The following HMX1 variants were observed in gnomAD, a reference collection of about 807,000 sequenced individuals.
The protein encoded by HMX1 is homeobox protein HMX1.
Under a neutral mutation model 8.9 loss-of-function variants are expected in HMX1, and 8 were observed. That is an observed-to-expected ratio of 0.90 (90% confidence interval 0.53 to 1.63). HMX1 has a LOEUF of 1.63. HMX1 is among the 40% of genes most tolerant of loss of function. The probability of loss-of-function intolerance (pLI) is 0.00; values close to 1 mark genes in which losing one functional copy is unlikely to be tolerated. For missense variants in HMX1, 621 were observed against 558.5 expected, an observed-to-expected ratio of 1.11 and a Z score of -1.13; for synonymous variants, 311 against 283.4, an observed-to-expected ratio of 1.10 and a Z score of -0.98.
chr4:8,854,090 TC>T (rs1056587689), intron 1 of HMX1, among the ~76,000 whole-genome samples: 3 of 151,954 alleles, frequency 2.0e-5, no homozygotes, highest in Non-Finnish European at 4.4e-5. Context: ...CCACCCCTTC[TC>T]CCTGTCTTAC....
chr4:8,858,508 C>T (rs1721687995), intron 1 of HMX1, among the ~76,000 whole-genome samples: 1 of 152,226 alleles, frequency 6.6e-6, no homozygotes, highest in South Asian at 2.1e-4. Flanking sequence ...CCTATTTGAG[C>T]TCCTTTGAGT....
At chr4:8,850,774 C>T (rs563169495) in intron 1 of HMX1, among the ~76,000 whole-genome samples, 4 of 152,332 alleles carry the variant, frequency 2.6e-5, no homozygotes, top group African/African-American at 7.2e-5. Flanking sequence ...CCCAGCCCTG[C>T]GACTCGGTCT....
In HMX1 at chr4:8,870,924, T is replaced by G. The variant is rs954093809; in HGVS notation, c.394+297A>C. Among the ~76,000 whole-genome samples the G allele has an allele frequency of 1.3e-5, 2 of 151,874 alleles. No homozygotes were observed. The highest frequency in any genetic ancestry group is 2.9e-5 in the Non-Finnish European group (2 of 67,960). On this transcript the variant is annotated intron_variant, in intron 1 of 1. Coordinates refer to ENST00000400677, the MANE Select transcript of HMX1 (RefSeq NM_018942.3). The surrounding 1 kb of genome is among the most constrained non-coding windows in gnomAD (Gnocchi z 4.4). ...ATCCTCTTTCACTCTCCTTTCTTTT[T>G]TCTTTGGCCTCCTGTTGTCCCCTGT...
rs1722199558 is a variant in HMX1, at chr4:8,871,146, G to A, written c.394+75C>T. The A allele has an allele frequency of 3.9e-6, 5 of 1,278,972 alleles. No homozygotes were observed. Among genetic ancestry groups the A allele is most frequent in the African/African-American group, 1.6e-5 (1 of 62,364 alleles). 79.2% of individuals were successfully genotyped at this position (1,278,972 alleles called of 1,614,324 possible). A position where few individuals can be genotyped will look rare whatever the true frequency, so the allele number is the denominator to read the frequency against. ...GCCCAGAACGGGCGGCGACGAGCCC[G>A]AAGTCCCCCAGCAAATGCGCAGGGA... is the stretch of plus-strand genomic sequence containing the variant. On this transcript the variant is annotated intron_variant, in intron 1 of 1. Transcript: ENST00000400677. This position sits in a 1 kb window ranked among gnomAD's most constrained non-coding sequence, Gnocchi z 4.8.
At chr4:8,852,044 G>T (rs913434891) in intron 1 of HMX1, among the ~76,000 whole-genome samples, 14 of 152,252 alleles carry the variant, frequency 9.2e-5, no homozygotes, top group African/African-American at 3.4e-4. Flanking sequence ...ACTGCAGTGG[G>T]AGTGCAATCC....
intron 1 of HMX1, chr4:8,846,371 A>G (rs1484142149): frequency 7.1e-7 from 1 of 1,413,986 alleles, no homozygotes; most frequent in South Asian, 1.3e-5. Flanking sequence ...TCATGTCTGC[A>G]CAAGGTGTCA....
chr4:8,871,465 G>A lies in HMX1; in HGVS notation c.150C>T (p.Asp50=). 5 of 1,342,580 alleles carry A rather than the reference G, an allele frequency of 3.7e-6. No homozygotes were observed. The highest frequency in any genetic ancestry group is 1.6e-5 in the South Asian group (1 of 64,440). The allele number at this position is 1,342,580 out of a possible 1,614,324, so 83.2% of individuals were successfully genotyped here. The change falls in exon 1 of 2, where the codon GAC becomes GAT. Residue 50 remains aspartate (D), a synonymous_variant. Coordinates refer to ENST00000400677, the MANE Select transcript of HMX1 (RefSeq NM_018942.3). This position sits in a 1 kb window ranked among gnomAD's most constrained non-coding sequence, Gnocchi z 4.8. ...GCTCGGCGTCCTCGTCTTCGGGGTC[G>A]TCGTCGTCCTCCTCCTCGTCCTCCC... ...GSREDEEEDD[D]DPEDEDAEQA... is the part of the protein sequence containing the mutation.
At chr4:8,858,441 T>C (rs1721686112) in intron 1 of HMX1, among the ~76,000 whole-genome samples, 1 of 152,168 alleles carries the variant, frequency 6.6e-6, no homozygotes, top group African/African-American at 2.4e-5. Flanking sequence ...GGGGATGCGC[T>C]TCTGGGCCAG....
rs1405256203 is a variant in HMX1, at chr4:8,853,730, T to A, written c.395-7406A>T. Among the ~76,000 whole-genome samples, 2 of 151,994 alleles carry A rather than the reference T, an allele frequency of 1.3e-5. No individual in the cohort carries two copies. Among genetic ancestry groups the A allele is most frequent in the African/African-American group, 2.4e-5 (1 of 41,362 alleles). On this transcript the variant is annotated intron_variant, in intron 1 of 1. Transcript: ENST00000506970. This position sits in a 1 kb window ranked among gnomAD's most constrained non-coding sequence, Gnocchi z 4.7. ...AGCTGGGTGTGGTGGTGGGCCCCTG[T>A]AATCTCAGCTACTCGGGGAGGCTGA...
Position 8,868,081 on chromosome 4 carries a change from G to T in HMX1, c.659C>A (p.Ser220Tyr). Residue 220 changes from serine (S) to tyrosine (Y), a missense_variant, in exon 2 of 2, where the codon TCC (serine) becomes TAC (tyrosine). Physicochemically the swap from Ser to Tyr is moderately radical, Grantham distance 144. Coordinates refer to ENST00000400677, the MANE Select transcript of HMX1 (RefSeq NM_018942.3). This position sits in a 1 kb window ranked among gnomAD's most constrained non-coding sequence, Gnocchi z 4.6. ...FSRSQVFQLESTFDLKRYLSS... is the reference protein window; with the variant it reads ...FSRSQVFQLEYTFDLKRYLSS... ...CAGGTAGCGCTTCAGGTCGAAGGTG[G>T]ATTCCAGCTGGAAGACCTGGCTGCG... 1 of 1,529,370 alleles carries T rather than the reference G, an allele frequency of 6.5e-7. No individual in the cohort carries two copies. Among genetic ancestry groups the T allele is most frequent in the Non-Finnish European group, 8.8e-7 (1 of 1,140,930 alleles). 94.7% of individuals were successfully genotyped at this position (1,529,370 alleles called of 1,614,324 possible).
chr4:8,868,236 C>G lies in HMX1; in HGVS notation c.504G>C (p.Ala168=). The G allele has an allele frequency of 1.4e-6, 2 of 1,434,828 alleles. No individual in the cohort carries two copies. Among genetic ancestry groups the G allele is most frequent in the South Asian group, 1.4e-5 (1 of 70,718 alleles). 88.9% of individuals were successfully genotyped at this position (1,434,828 alleles called of 1,614,324 possible). A position where few individuals can be genotyped will look rare whatever the true frequency, so the allele number is the denominator to read the frequency against. ...CCGTGCCGGCCGCCGGGCCACGCGC[C>G]GCCAGCTCCGCTGCCTCCCGCTGCA... is the stretch of plus-strand genomic sequence containing the variant. The part of the protein sequence containing the change: ...GAVQREAAEL[A]ARGPAAGTEE... Residue 168 remains alanine, a synonymous_variant, in exon 2 of 2, where the codon GCG becomes GCC. Transcript: ENST00000400677. This position sits in a 1 kb window ranked among gnomAD's most constrained non-coding sequence, Gnocchi z 4.6.
In HMX1 at chr4:8,871,698, G is replaced by T; in HGVS notation, c.-84C>A. 1 of 1,110,646 alleles carries T rather than the reference G, an allele frequency of 9.0e-7. No individual in the cohort carries two copies. The highest frequency in any genetic ancestry group is 1.1e-6 in the Non-Finnish European group (1 of 910,766). The allele number at this position is 1,110,646 out of a possible 1,614,324, so 68.8% of individuals were successfully genotyped here. On this transcript the variant is annotated 5_prime_UTR_variant, in exon 1 of 2. Coordinates refer to ENST00000400677, the MANE Select transcript of HMX1 (RefSeq NM_018942.3). The surrounding 1 kb of genome is among the most constrained non-coding windows in gnomAD (Gnocchi z 4.8). ...CGCGCGGCTCCCGGGCGCACGCGCGGGCCGGCCCTGGAGCTGCTACCCGGA... is the reference window on the plus strand; with the variant it reads ...CGCGCGGCTCCCGGGCGCACGCGCGTGCCGGCCCTGGAGCTGCTACCCGGA...
intron 1 of HMX1, among the ~76,000 whole-genome samples, chr4:8,861,528 C>G (rs1379462681): frequency 6.6e-6 from 1 of 152,188 alleles, no homozygotes; most frequent in African/African-American, 2.4e-5. Flanking sequence ...GCGCGGGATC[C>G]TCGTGCGCCG....
In HMX1 at chr4:8,848,330, T is replaced by C. The variant is rs1721337156; in HGVS notation, c.395-2006A>G. On this transcript the variant is annotated intron_variant, in intron 1 of 1. Transcript: ENST00000506970. The surrounding 1 kb of genome is among the most constrained non-coding windows in gnomAD (Gnocchi z 4.1). The stretch of plus-strand genomic sequence containing the variant: ...ATTTGCAACTGTTTGTTCTTTAATG[T>C]AGCTACTAGAAAATTTATATCACAT... 6.6e-6 allele frequency among the ~76,000 whole-genome samples: 1 copy of C among 152,240 alleles called. No individual in the cohort carries two copies. Among genetic ancestry groups the C allele is most frequent in the East Asian group, 1.9e-4 (1 of 5,194 alleles).
In HMX1 at chr4:8,870,677, T is replaced by G. The variant is rs1577202012; in HGVS notation, c.394+544A>C. 1.7e-5 allele frequency among the ~76,000 whole-genome samples: 2 copies of G among 118,488 alleles called. No homozygotes were observed. The highest frequency in any genetic ancestry group is 5.1e-4 in the East Asian group (2 of 3,886). 77.7% of individuals were successfully genotyped at this position (118,488 alleles called of 152,430 possible). ...GCCCCACCCCCACAACACTGCACCC[T>G]CTGCTCAATGCCCCCTTTTATTTTT... On this transcript the variant is annotated intron_variant, in intron 1 of 1. Transcript: ENST00000400677. This position sits in a 1 kb window ranked among gnomAD's most constrained non-coding sequence, Gnocchi z 4.4.
Position 8,867,173 on chromosome 4 carries a change from C to T in HMX1, c.*520G>A, listed in dbSNP as rs368330444. 61 of 985,626 alleles carry T rather than the reference C, an allele frequency of 6.2e-5. No individual in the cohort carries two copies. In the African/African-American group the frequency reaches 9.6e-4, roughly 15 times the overall value. The allele number at this position is 985,626 out of a possible 1,614,324, so 61.1% of individuals were successfully genotyped here. ...CTGCTCCTGGAACGGACGATGGGAC[C>T]CACAGGTCCAGGGTCCTTTCTCCAC... On this transcript the variant is annotated 3_prime_UTR_variant, in exon 2 of 2. Transcript: ENST00000400677.
downstream of HMX1, among the ~76,000 whole-genome samples, chr4:8,864,000 G>A (rs1210298053): frequency 3.3e-5 from 5 of 152,314 alleles, no homozygotes; most frequent in East Asian, 9.7e-4. Flanking sequence ...GCCCAACACT[G>A]GGGCAGGGTG....
chr4:8,864,625 T>G (rs1721936344), downstream of HMX1, among the ~76,000 whole-genome samples: 1 of 152,208 alleles, frequency 6.6e-6, no homozygotes, highest in Non-Finnish European at 1.5e-5. Context: ...CTCTCTGGGT[T>G]CCAGGTCCTA....
At position 8,849,222 on chromosome 4, in the gene HMX1, G is replaced by A. The variant is rs569545052; in HGVS notation, c.395-2898C>T. On this transcript the variant is annotated intron_variant, in intron 1 of 1. Transcript: ENST00000506970. This position sits in a 1 kb window ranked among gnomAD's most constrained non-coding sequence, Gnocchi z 6.6. ...ACTGTGTCCTCCCAAATGTGTATGG[G>A]GAGGTCCTGACCGGCAGCACCCCAG... Among the ~76,000 whole-genome samples, 26 of 152,220 alleles carry A rather than the reference G, an allele frequency of 1.7e-4. No homozygotes were observed. The highest frequency in any genetic ancestry group is 6.3e-4 in the African/African-American group (26 of 41,538).
Sources: allele counts gnomAD v4.1 joint callset (sites outside exome capture counted in the v4.1 genomes callset), GRCh38; gene constraint gnomAD v4.1.1; non-coding constraint Gnocchi (gnomAD v3.1); transcripts MANE v1.5; gene names NCBI Gene and HGNC (gene_info 2026-07-23, HGNC 2026-07-21).